Variants in MGAM observed in about 807,000 individuals in gnomAD.
MGAM encodes the protein alpha-1,4-glucosidase.
In MGAM, 253 loss-of-function variants were observed where a neutral mutation model predicts 358.8. The ratio of observed to expected loss-of-function variants is 0.71; its 90% CI spans 0.64 to 0.78. MGAM has a LOEUF of 0.78. MGAM is among the 30% of genes least tolerant of loss of function. The pLI, the probability that MGAM is intolerant of heterozygous loss-of-function variation, is 0.00. For synonymous variants in MGAM, 1,105 were observed against 1,227.1 expected, an observed-to-expected ratio of 0.90 and a Z score of 2.08; for missense variants, 3,080 against 3,432.6, an observed-to-expected ratio of 0.90 and a Z score of 2.57.
chr7:142,045,217 G>GA lies in MGAM; in HGVS notation c.2499-2568_2499-2567insA, dbSNP rs1554472508. Among the ~76,000 whole-genome samples, 17 of 63,480 alleles carry GA rather than the reference G, an allele frequency of 2.7e-4. 1 individual carries two copies. The highest frequency in any genetic ancestry group is 5.3e-4 in the East Asian group (1 of 1,884). The allele number at this position is 63,480 out of a possible 152,430, so 41.6% of individuals were successfully genotyped here. ...ATAATATATATTATATAACATATAT[G>GA]TATATAATATATATTATATATCATA... is the stretch of plus-strand genomic sequence containing the variant. On this transcript the variant is annotated intron_variant, in intron 21 of 70. Coordinates refer to ENST00000475668, the MANE Select transcript of MGAM (RefSeq NM_001365693.1).
At chr7:142,016,291 G>A (rs1012972399) in intron 3 of MGAM, among the ~76,000 whole-genome samples, 2 of 152,228 alleles carry the variant, frequency 1.3e-5, no homozygotes, top group South Asian at 2.1e-4. Flanking sequence ...ACTCCTCTTC[G>A]TGTTGGCGAA....
intron 66 of MGAM, among the ~76,000 whole-genome samples, chr7:142,097,863 C>T (rs1816083455): frequency 7.3e-6 from 1 of 137,888 alleles, no homozygotes; most frequent in Non-Finnish European, 1.5e-5. Context: ...ACACATAAAG[C>T]ATCTCACTCA....
Position 142,034,464 on chromosome 7 carries a change from A to G in MGAM, c.1787+85A>G, listed in dbSNP as rs541020148. The G allele has an allele frequency of 5.8e-5, 63 of 1,089,398 alleles. No homozygotes were observed. The East Asian group carries it at 1.4e-3, about 24-fold the overall frequency. The allele number at this position is 1,089,398 out of a possible 1,614,324, so 67.5% of individuals were successfully genotyped here. A position where few individuals can be genotyped will look rare whatever the true frequency, so the allele number is the denominator to read the frequency against. On this transcript the variant is annotated intron_variant, in intron 15 of 70. Coordinates refer to ENST00000475668, the MANE Select transcript of MGAM (RefSeq NM_001365693.1). ...TTAATTCTTGGAGATTATGGGGCTAATGCATAAAATTTCTTAAGACAAAAC... is the reference window on the plus strand; with the variant it reads ...TTAATTCTTGGAGATTATGGGGCTAGTGCATAAAATTTCTTAAGACAAAAC...
chr7:142,062,836 C>T (rs2129041641), intron 35 of MGAM, 134 bp downstream of exon 35: 2 of 1,451,730 alleles, frequency 1.4e-6, no homozygotes, highest in Middle Eastern at 2.3e-4. Flanking sequence ...GACACTTCTT[C>T]CTCTCAGGAG....
chr7:142,026,046 A>G (rs1401866609), intron 8 of MGAM, among the ~76,000 whole-genome samples: 2 of 152,204 alleles, frequency 1.3e-5, no homozygotes, highest in Non-Finnish European at 2.9e-5. Context: ...ACAAGATCCT[A>G]GATACTCTGT....
chr7:142,103,729 CA>C (rs1254331586), intron 70 of MGAM, among the ~76,000 whole-genome samples: 3 of 152,126 alleles, frequency 2.0e-5, no homozygotes, highest in Non-Finnish European at 4.4e-5. Flanking sequence ...ATCAACTTCC[CA>C]AACAGGTTGG....
At position 142,088,822 on chromosome 7, in the gene MGAM, CATCTATCTATCTATCTATCTATCT is replaced by C. The variant is rs71166559; in HGVS notation, c.6810+2131_6810+2154del. Among the ~76,000 whole-genome samples the C allele has an allele frequency of 8.8e-5, 11 of 124,744 alleles. 3 individuals are homozygous for C. Among genetic ancestry groups the C allele is most frequent in the Admixed American group, 1.7e-4 (2 of 11,724 alleles). The allele number at this position is 124,744 out of a possible 152,430, so 81.8% of individuals were successfully genotyped here. A position where few individuals can be genotyped will look rare whatever the true frequency, so the allele number is the denominator to read the frequency against. On this transcript the variant is annotated intron_variant, in intron 57 of 70. Coordinates refer to ENST00000475668, the MANE Select transcript of MGAM (RefSeq NM_001365693.1). ...CTATCATTCTATCCTATCTATGTAC[CATCTATCTATCTATCTATCTATCT>C]ATCTATCTATCTATCTATCTATCTA...
At chr7:142,045,072 GTGTAATATATGATATATAATATGTA>G (rs1563156025) in intron 21 of MGAM, among the ~76,000 whole-genome samples, 1,305 of 61,736 alleles carry the variant, frequency 0.021, 138 homozygotes, top group African/African-American at 0.064. Context: ...TTATATATAC[GTGTAATATATGATATATAATATGTA>G]TATTATATAT....
chr7:141,990,757 T>C (rs1803910818), intron 2 of MGAM, among the ~76,000 whole-genome samples: 1 of 152,234 alleles, frequency 6.6e-6, no homozygotes, highest in African/African-American at 2.4e-5. Context: ...TGTATACATG[T>C]GCCATGCTGG....
intron 32 of MGAM, 127 bp downstream of exon 32, chr7:142,059,727 C>T: frequency 8.3e-6 from 13 of 1,572,788 alleles, no homozygotes; most frequent in Non-Finnish European, 1.1e-5. Flanking sequence ...GGTGTATTTC[C>T]CAGGACTCAC....
intron 31 of MGAM, among the ~76,000 whole-genome samples, chr7:142,058,647 T>G (rs577730878): frequency 9.8e-5 from 15 of 152,356 alleles, no homozygotes; most frequent in Non-Finnish European, 1.9e-4. Context: ...CTTGGTTTCA[T>G]AAGAATAAAG....
In MGAM at chr7:142,055,539, C is replaced by T; in HGVS notation, c.3315-19C>T. 6.2e-7 allele frequency: 1 copy of T among 1,613,862 alleles called. No homozygotes were observed. Among genetic ancestry groups the T allele is most frequent in the Non-Finnish European group, 8.5e-7 (1 of 1,179,824 alleles). On this transcript the variant is annotated intron_variant, in intron 27 of 70. Transcript: ENST00000475668. ...TAAAAGCTCATTTTCTGTTTCAAATCTGCGTTTTTGTGTTTCAGTTGGGAC... is the reference window on the plus strand; with the variant it reads ...TAAAAGCTCATTTTCTGTTTCAAATTTGCGTTTTTGTGTTTCAGTTGGGAC...
intron 7 of MGAM, among the ~76,000 whole-genome samples, chr7:142,024,042 T>C (rs1401411950): frequency 5.3e-5 from 8 of 152,080 alleles, no homozygotes; most frequent in Admixed American, 4.6e-4. Context: ...AAGATCAACC[T>C]GGTGAAACCC....
At chr7:142,023,947 T>C (rs2128997851) in intron 7 of MGAM, among the ~76,000 whole-genome samples, 1 of 152,186 alleles carries the variant, frequency 6.6e-6, no homozygotes, top group Admixed American at 6.5e-5. Flanking sequence ...AAAATCTGCA[T>C]TTAGGGCTGG....
chr7:142,066,825 T>C, intron 41 of MGAM, 104 bp downstream of exon 41: 1 of 1,318,194 alleles, frequency 7.6e-7, no homozygotes, highest in Non-Finnish European at 1.1e-6. Context: ...CATGATGGCC[T>C]TTTGACATGA....
chr7:142,078,763 A>G, intron 48 of MGAM, 45 bp from the exon 49 acceptor site: 1 of 1,491,714 alleles, frequency 6.7e-7, no homozygotes, highest in Non-Finnish European at 9.3e-7. Context: ...GAGAACTTTA[A>G]GACCACATGC....
At chr7:142,022,554 C>G in intron 7 of MGAM, 115 bp downstream of exon 7, 4 of 1,131,086 alleles carry the variant, frequency 3.5e-6, no homozygotes, top group Non-Finnish European at 4.9e-6. Context: ...GACTACCTGG[C>G]TTTGAATTCT....
rs1277796649 is a variant in MGAM, at chr7:142,040,417, A to G, written c.2373+246A>G. 8.6e-6 allele frequency: 5 copies of G among 583,724 alleles called. No homozygotes were observed. The South Asian group carries it at 1.2e-4, about 14-fold the overall frequency. 36.2% of individuals were successfully genotyped at this position (583,724 alleles called of 1,614,324 possible). ...AGATAGGCTGACATAGTATCTCATA[A>G]ATTAATATTGGAGGAACTGATGGAC... On this transcript the variant is annotated intron_variant, in intron 20 of 70. Transcript: ENST00000475668.
intron 7 of MGAM, among the ~76,000 whole-genome samples, chr7:142,023,691 G>C (rs1474591481): frequency 6.6e-6 from 1 of 151,144 alleles, no homozygotes; most frequent in African/African-American, 2.4e-5. Flanking sequence ...AAAAAAAGAG[G>C]TTGTAAGAAC....
Sources: allele counts gnomAD v4.1 joint callset (sites outside exome capture counted in the v4.1 genomes callset), GRCh38; gene constraint gnomAD v4.1.1; transcripts MANE v1.5; gene names NCBI Gene and HGNC (gene_info 2026-07-23, HGNC 2026-07-21).